The following FAM222B variants were observed in gnomAD, a reference collection of about 807,000 sequenced individuals.
FAM222B encodes the protein family with sequence similarity 222 member B, also known as protein FAM222B.
A neutral mutation model predicts 38.0 loss-of-function variants in FAM222B; 12 were observed. The observed-to-expected ratio is 0.32, with a 90% CI of 0.20 to 0.51. The LOEUF is 0.51. Among genes scored for constraint, FAM222B ranks in the 20% least tolerant of loss-of-function variants. FAM222B has a pLI of 0.97. For synonymous variants in FAM222B, 329 were observed against 317.2 expected (o/e 1.04, Z -0.40); for missense variants, 716 against 754.2 (o/e 0.95, Z 0.59).
chr17:28,824,821 C>T (rs189722372), intron 1 of FAM222B, among the ~76,000 whole-genome samples: 11 of 152,290 alleles, frequency 7.2e-5, no homozygotes, highest in African/African-American at 2.4e-4. Flanking sequence ...GTTGACCAAG[C>T]TGGATTGCAA....
intron 1 of FAM222B, among the ~76,000 whole-genome samples, chr17:28,775,398 C>A (rs1302471367): frequency 1.3e-5 from 2 of 151,386 alleles, no homozygotes; most frequent in Admixed American, 6.6e-5. Context: ...ATAGCCTCGC[C>A]ACTCACAATC....
At chr17:28,819,306 C>T (rs1233896551) in intron 1 of FAM222B, among the ~76,000 whole-genome samples, 1 of 152,120 alleles carries the variant, frequency 6.6e-6, no homozygotes, top group Non-Finnish European at 1.5e-5. Context: ...ATACAAAGAA[C>T]TCTTATAACT....
At chr17:28,778,408 C>T (rs2035994526) in intron 1 of FAM222B, among the ~76,000 whole-genome samples, 1 of 151,702 alleles carries the variant, frequency 6.6e-6, no homozygotes. Flanking sequence ...CGTTCATGTC[C>T]CTGCAAAGGA....
intron 1 of FAM222B, among the ~76,000 whole-genome samples, chr17:28,798,300 T>C (rs1234697438): frequency 6.6e-6 from 1 of 152,038 alleles, no homozygotes; most frequent in Non-Finnish European, 1.5e-5. Context: ...GAGAATCACC[T>C]GAGCCCAGGA....
upstream of FAM222B, among the ~76,000 whole-genome samples, chr17:28,844,220 C>T (rs1036505958): frequency 1.3e-5 from 2 of 152,156 alleles, no homozygotes; most frequent in African/African-American, 4.8e-5. Flanking sequence ...AAACTCTCTC[C>T]TCATCACCAT....
intron 1 of FAM222B, among the ~76,000 whole-genome samples, chr17:28,829,017 T>C (rs985241540): frequency 6.7e-6 from 1 of 148,188 alleles, no homozygotes; most frequent in African/African-American, 2.5e-5. Context: ...GCGACTGTCC[T>C]GCCTCAGCGT....
At chr17:28,850,384 C>G (rs932404942) in intron 1 of FAM222B, among the ~76,000 whole-genome samples, 5 of 151,888 alleles carry the variant, frequency 3.3e-5, no homozygotes, top group Non-Finnish European at 5.9e-5. Flanking sequence ...TCACTGCAAG[C>G]CCCGCTTCCT....
intron 1 of FAM222B, among the ~76,000 whole-genome samples, chr17:28,783,092 C>A (rs772817460): frequency 6.7e-6 from 1 of 148,962 alleles, no homozygotes; most frequent in African/African-American, 2.5e-5. Context: ...GAGCCAAGAT[C>A]GTGCCACTGC....
intron 1 of FAM222B, among the ~76,000 whole-genome samples, chr17:28,821,772 G>A (rs1348279246): frequency 6.6e-6 from 1 of 151,994 alleles, no homozygotes; most frequent in Non-Finnish European, 1.5e-5. Context: ...GATCAGCCTG[G>A]CCAACATGGT....
intron 1 of FAM222B, among the ~76,000 whole-genome samples, chr17:28,848,478 G>C (rs1309889015): frequency 6.6e-6 from 1 of 151,928 alleles, no homozygotes; most frequent in Non-Finnish European, 1.5e-5. Flanking sequence ...TTCAAGTAGG[G>C]GCCCGGGCAC....
chr17:28,847,786 C>T (rs1271852203), upstream of FAM222B, among the ~76,000 whole-genome samples: 1 of 148,644 alleles, frequency 6.7e-6, no homozygotes, highest in Non-Finnish European at 1.5e-5. Flanking sequence ...CCATGGCGGG[C>T]GCCTATAGTC....
At position 28,759,719 on chromosome 17, in the gene FAM222B, G is replaced by A; in HGVS notation, c.240C>T (p.Gly80=). ...TGTAGCGCTGGGCTGATGTGTCGAG[G>A]CCGTTCACAGTACGACGAACGTGTT... The part of the protein sequence containing the change: ...QRKHVRRTVN[G]LDTSAQRYSP... Residue 80 remains glycine, a synonymous_variant, in exon 3 of 3, where the codon GGC becomes GGT. Transcript: ENST00000581407. This position sits in a 1 kb window ranked among gnomAD's most constrained non-coding sequence, Gnocchi z 4.8. 6.2e-7 allele frequency: 1 copy of A among 1,613,834 alleles called. No individual in the cohort carries two copies. Among genetic ancestry groups the A allele is most frequent in the Non-Finnish European group, 8.5e-7 (1 of 1,179,834 alleles).
At chr17:28,847,741 C>G (rs1355267775), upstream of FAM222B, among the ~76,000 whole-genome samples, 1 of 151,656 alleles carries the variant, frequency 6.6e-6, no homozygotes, top group African/African-American at 2.4e-5. Flanking sequence ...GGTGAAACCC[C>G]GTCTCTACTA....
chr17:28,765,485 G>A (rs1484404885), intron 2 of FAM222B, among the ~76,000 whole-genome samples: 1 of 152,156 alleles, frequency 6.6e-6, no homozygotes, highest in Non-Finnish European at 1.5e-5. Flanking sequence ...TGTCATAAGG[G>A]GTTCAGTTAA....
intron 1 of FAM222B, among the ~76,000 whole-genome samples, chr17:28,792,355 C>T (rs1212520121): frequency 6.7e-6 from 1 of 149,784 alleles, no homozygotes; most frequent in African/African-American, 2.4e-5. Flanking sequence ...GTGGTGTGTG[C>T]CTGCAGTCCC....
At chr17:28,798,613 G>A (rs2037054575) in intron 1 of FAM222B, among the ~76,000 whole-genome samples, 2 of 149,684 alleles carry the variant, frequency 1.3e-5, no homozygotes, top group South Asian at 4.2e-4. Flanking sequence ...CTCATGTGAA[G>A]TTTAATACTT....
chr17:28,777,627 C>T (rs530150041), intron 1 of FAM222B, among the ~76,000 whole-genome samples: 9 of 152,264 alleles, frequency 5.9e-5, no homozygotes, highest in African/African-American at 2.2e-4. Flanking sequence ...TTTACTGGCT[C>T]ACATTCCTGA....
At chr17:28,843,442 C>CTTTTT (rs1161514672), upstream of FAM222B, among the ~76,000 whole-genome samples, 7 of 87,002 alleles carry the variant, frequency 8.0e-5, no homozygotes, top group East Asian at 3.7e-4. Flanking sequence ...CAGCCTGGGT[C>CTTTTT]TTTTTTTTTT....
At chr17:28,836,359 T>C (rs2038846131) in intron 1 of FAM222B, among the ~76,000 whole-genome samples, 1 of 151,856 alleles carries the variant, frequency 6.6e-6, no homozygotes, top group African/African-American at 2.4e-5. Context: ...AAACCACCAT[T>C]TAATAATTGA....
Sources: allele counts gnomAD v4.1 joint callset (sites outside exome capture counted in the v4.1 genomes callset), GRCh38; gene constraint gnomAD v4.1.1; non-coding constraint Gnocchi (gnomAD v3.1); transcripts MANE v1.5; gene names NCBI Gene and HGNC (gene_info 2026-07-23, HGNC 2026-07-21).